UNC13B: variants seen among roughly 807,000 people sequenced by gnomAD.
The protein encoded by UNC13B is protein unc-13 homolog B.
UNC13B carries 144 observed loss-of-function variants against 211.0 expected under a neutral mutation model. The ratio of observed to expected loss-of-function variants is 0.68; its 90% confidence interval spans 0.60 to 0.78. UNC13B has a LOEUF of 0.78. UNC13B is among the 30% of genes least tolerant of loss of function. The pLI is 0.00. For missense variants in UNC13B, 1,777 were observed against 2,002.0 expected, an observed-to-expected ratio of 0.89 and a Z score of 2.14; for synonymous variants, 709 against 725.8, an observed-to-expected ratio of 0.98 and a Z score of 0.37.
At chr9:35,333,157 T>C (rs1831463666) in intron 11 of UNC13B, among the ~76,000 whole-genome samples, 1 of 152,168 alleles carries the variant, frequency 6.6e-6, no homozygotes, top group Non-Finnish European at 1.5e-5. Flanking sequence ...AAATAAAAGC[T>C]AAATGAAAAA....
At chr9:35,331,408 C>T (rs762071117) in intron 11 of UNC13B, among the ~76,000 whole-genome samples, 15 of 152,032 alleles carry the variant, frequency 9.9e-5, no homozygotes, top group African/African-American at 1.5e-4. Flanking sequence ...TCACCACACC[C>T]GGCTAAATTT....
intron 6 of UNC13B, among the ~76,000 whole-genome samples, chr9:35,252,659 T>C (rs1163946358): frequency 1.3e-5 from 2 of 149,956 alleles, no homozygotes; most frequent in African/African-American, 4.9e-5. Flanking sequence ...GATTTGTCTA[T>C]AAAAAAAATT....
At chr9:35,169,724 A>G (rs543318704) in intron 1 of UNC13B, among the ~76,000 whole-genome samples, 2 of 152,248 alleles carry the variant, frequency 1.3e-5, no homozygotes, top group African/African-American at 4.8e-5. Context: ...GAAAGGACCA[A>G]TTTGCTCTGC....
intron 31 of UNC13B, 127 bp downstream of exon 31, chr9:35,398,415 C>G (rs1836031987): frequency 1.5e-6 from 2 of 1,358,318 alleles, no homozygotes; most frequent in Non-Finnish European, 2.1e-6. Context: ...CTGGCTTAAT[C>G]TGAGGTAGGC....
intron 1 of UNC13B, among the ~76,000 whole-genome samples, chr9:35,166,366 G>A (rs1047535150): frequency 6.6e-6 from 1 of 152,028 alleles, no homozygotes; most frequent in African/African-American, 2.4e-5. Flanking sequence ...GGGTGACGAA[G>A]TGAGACCCTG....
chr9:35,226,886 C>A (rs1824875289), intron 1 of UNC13B, among the ~76,000 whole-genome samples: 1 of 152,196 alleles, frequency 6.6e-6, no homozygotes, highest in African/African-American at 2.4e-5. Flanking sequence ...CACATGCAAT[C>A]AAGTGGCACT....
chr9:35,389,760 G>C, intron 24 of UNC13B, 86 bp from the exon 25 acceptor site: 2 of 1,461,172 alleles, frequency 1.4e-6, no homozygotes, highest in South Asian at 2.4e-5. Context: ...TATAGGAAGG[G>C]GAAGAGAAAG....
chr9:35,331,107 C>A (rs1193622280), intron 11 of UNC13B, among the ~76,000 whole-genome samples: 1 of 152,166 alleles, frequency 6.6e-6, no homozygotes, highest in Non-Finnish European at 1.5e-5. Context: ...TTCTCTGATT[C>A]CTGCTGCTTA....
At chr9:35,266,734 A>C (rs2131660799) in intron 7 of UNC13B, among the ~76,000 whole-genome samples, 1 of 152,248 alleles carries the variant, frequency 6.6e-6, no homozygotes, top group Middle Eastern at 3.4e-3. Flanking sequence ...TATCCTGTGA[A>C]GTTTTTGTCT....
intron 11 of UNC13B, among the ~76,000 whole-genome samples, chr9:35,332,152 G>A (rs947325335): frequency 7.9e-5 from 12 of 151,902 alleles, no homozygotes; most frequent in Non-Finnish European, 1.5e-4. Context: ...TGGCTAATTT[G>A]TTTTGTATTT....
intron 27 of UNC13B, 107 bp downstream of exon 27, chr9:35,396,709 G>A (rs1835903885): frequency 1.3e-6 from 2 of 1,595,550 alleles, no homozygotes; most frequent in Admixed American, 1.7e-5. Context: ...GCCTGTTCAG[G>A]TACCACCGTA....
intron 1 of UNC13B, among the ~76,000 whole-genome samples, chr9:35,215,842 A>T (rs1241915584): frequency 6.6e-6 from 1 of 152,214 alleles, no homozygotes; most frequent in African/African-American, 2.4e-5. Context: ...GGTGTCTCTG[A>T]GCCGGAGTTT....
At chr9:35,370,206 G>A (rs1834026658) in intron 12 of UNC13B, 112 bp from the exon 13 acceptor site, 2 of 804,046 alleles carry the variant, frequency 2.5e-6, no homozygotes, top group Non-Finnish European at 4.0e-6. Flanking sequence ...ACATGGTAGA[G>A]GTCAGTTCAT....
intron 1 of UNC13B, among the ~76,000 whole-genome samples, chr9:35,172,674 A>G (rs574166218): frequency 6.6e-6 from 1 of 152,368 alleles, no homozygotes; most frequent in Non-Finnish European, 1.5e-5. Flanking sequence ...AGTAAAAATG[A>G]AATGTACTTT....
intron 7 of UNC13B, chr9:35,291,005 C>T: frequency 2.0e-6 from 3 of 1,506,410 alleles, no homozygotes; most frequent in Middle Eastern, 3.4e-4. Context: ...GGGGAAATGA[C>T]TTTTGAATTC....
chr9:35,374,715 C>T (rs1391494735), intron 13 of UNC13B, among the ~76,000 whole-genome samples: 2 of 152,198 alleles, frequency 1.3e-5, no homozygotes, highest in Non-Finnish European at 2.9e-5. Flanking sequence ...CATTTTTCTC[C>T]ATAATGGCTC....
intron 11 of UNC13B, among the ~76,000 whole-genome samples, chr9:35,315,311 A>G (rs1030604712): frequency 6.6e-6 from 1 of 152,202 alleles, no homozygotes; most frequent in Admixed American, 6.5e-5. Context: ...GTAGTATAAT[A>G]TCTGGCAGAT....
intron 11 of UNC13B, among the ~76,000 whole-genome samples, chr9:35,340,017 G>A (rs1831891615): frequency 6.6e-6 from 1 of 152,178 alleles, no homozygotes; most frequent in South Asian, 2.1e-4. Context: ...CTGCAGATTT[G>A]GGGGAGGGAA....
chr9:35,290,990 G>A (rs1829070344), intron 7 of UNC13B: 1 of 1,428,538 alleles, frequency 7.0e-7, no homozygotes, highest in Non-Finnish European at 9.6e-7. Flanking sequence ...AATAATTGCT[G>A]AGATGGGGAA....
Sources: allele counts gnomAD v4.1 joint callset (sites outside exome capture counted in the v4.1 genomes callset), GRCh38; gene constraint gnomAD v4.1.1; transcripts MANE v1.5; gene names NCBI Gene and HGNC (gene_info 2026-07-23, HGNC 2026-07-21).